Variants in BICDL1 observed in about 807,000 individuals in gnomAD.
BICDL1 encodes the protein BICD family-like cargo adapter 1.
Under a neutral mutation model 76.8 loss-of-function variants are expected in BICDL1, and 20 were observed. The ratio of observed to expected loss-of-function variants is 0.26; its 90% CI spans 0.18 to 0.38. BICDL1 has a LOEUF of 0.38. Ranked by LOEUF, BICDL1 falls within the 10% of genes least tolerant of loss-of-function variation. BICDL1 has a pLI of 1.00. For missense variants in BICDL1, 700 were observed against 798.6 expected (o/e 0.88, Z 1.49); for synonymous variants, 383 against 337.1 (o/e 1.14, Z -1.49).
chr12:120,091,130 C>G, intron 9 of BICDL1: 1 of 1,240,046 alleles, frequency 8.1e-7, no homozygotes, highest in South Asian at 1.4e-5. Flanking sequence ...CTGGCGTCAT[C>G]TCTGTGCAGT....
At chr12:119,992,830 G>A (rs1231383136) in intron 1 of BICDL1, 1 of 152,116 alleles carries the variant, frequency 6.6e-6, no homozygotes, top group Non-Finnish European at 1.5e-5. Context: ...TTTTCTTACA[G>A]GGTGGTTTGA....
chr12:120,082,585 T>C (rs1156583104), intron 8 of BICDL1, among the ~76,000 whole-genome samples: 1 of 151,236 alleles, frequency 6.6e-6, no homozygotes, highest in Non-Finnish European at 1.5e-5. Context: ...TTTTGTGTTT[T>C]TTTGTTTGTT....
intron 2 of BICDL1, among the ~76,000 whole-genome samples, chr12:120,005,306 T>G (rs546276128): frequency 2.6e-5 from 4 of 152,322 alleles, no homozygotes; most frequent in African/African-American, 9.6e-5. Context: ...TTTTTTGTAT[T>G]TCTTCATATG....
intron 2 of BICDL1, among the ~76,000 whole-genome samples, chr12:120,056,449 A>G (rs747653389): frequency 6.6e-6 from 1 of 152,180 alleles, no homozygotes; most frequent in Non-Finnish European, 1.5e-5. Flanking sequence ...GGCCGGGCGC[A>G]GTGGCTCACG....
chr12:119,989,463 G>GCAGCAGCAA lies in BICDL1; in HGVS notation c.-398_-397insACAGCAGCA, dbSNP rs1289779015. Among the ~76,000 whole-genome samples, 1 of 5,264 alleles carries GCAGCAGCAA rather than the reference G, an allele frequency of 1.9e-4. No homozygotes were observed. Among genetic ancestry groups the GCAGCAGCAA allele is most frequent in the East Asian group, 0.25 (1 of 4 alleles). 3.5% of individuals were successfully genotyped at this position (5,264 alleles called of 152,430 possible). ...GTGAGGCGCTGCCCGGCCGGCGGCG[G>GCAGCAGCAA]CAGCAGCAGCAGCAGCGGCAGCGGC... On this transcript the variant is annotated 5_prime_UTR_variant, in exon 1 of 10. Transcript: ENST00000548673.
chr12:120,039,870 T>A (rs1952603322), intron 2 of BICDL1, among the ~76,000 whole-genome samples: 1 of 152,162 alleles, frequency 6.6e-6, no homozygotes. Flanking sequence ...AAAATAATTC[T>A]GTAACCAGTG....
chr12:120,012,775 A>G (rs1447123378), intron 2 of BICDL1, among the ~76,000 whole-genome samples: 1 of 152,078 alleles, frequency 6.6e-6, no homozygotes, highest in Non-Finnish European at 1.5e-5. Context: ...TTTTTAAAGG[A>G]AAGGGAAGGG....
chr12:120,063,299 A>G (rs1223360238), intron 3 of BICDL1, among the ~76,000 whole-genome samples: 2 of 152,276 alleles, frequency 1.3e-5, no homozygotes, highest in East Asian at 3.9e-4. Context: ...CCCATTCACA[A>G]AAGGGGCTTG....
intron 9 of BICDL1, chr12:120,091,875 C>T (rs889532529): frequency 4.1e-6 from 4 of 985,370 alleles, no homozygotes; most frequent in Non-Finnish European, 4.8e-6. Flanking sequence ...AGTGGCTGCT[C>T]GGAACCAAAG....
At chr12:120,056,471 A>G (rs1952974166) in intron 2 of BICDL1, among the ~76,000 whole-genome samples, 1 of 152,186 alleles carries the variant, frequency 6.6e-6, no homozygotes, top group Non-Finnish European at 1.5e-5. Flanking sequence ...CTGTAATCCT[A>G]GCACTTTGGG....
At chr12:120,033,035 A>G (rs935699014) in intron 2 of BICDL1, among the ~76,000 whole-genome samples, 1 of 151,928 alleles carries the variant, frequency 6.6e-6, no homozygotes, top group African/African-American at 2.4e-5. Flanking sequence ...GTGAGCCACC[A>G]TGCCTGGCCT....
chr12:120,078,617 A>C (rs987678976), intron 7 of BICDL1, among the ~76,000 whole-genome samples: 3 of 152,186 alleles, frequency 2.0e-5, no homozygotes, highest in African/African-American at 7.2e-5. Context: ...TAGTGGTGAG[A>C]AATAGTTATT....
chr12:119,999,735 C>G, intron 2 of BICDL1: 1 of 428,184 alleles, frequency 2.3e-6, no homozygotes, highest in South Asian at 1.7e-5. Flanking sequence ...TATTAATGCC[C>G]TGGTCTATAA....
chr12:120,048,659 T>G lies in BICDL1; in HGVS notation c.646-13051T>G, dbSNP rs114252142. On this transcript the variant is annotated intron_variant, in intron 2 of 9. Transcript: ENST00000548673. ...TCCTCTGGGCCTCAGTTTCCTCATC[T>G]GTGTAATGAAGGAGTTCACTTAACT... Among the ~76,000 whole-genome samples the G allele has an allele frequency of 8.1e-3, 1,229 of 152,312 alleles. 17 individuals carry two copies. Among genetic ancestry groups the G allele is most frequent in the African/African-American group, 0.027 (1,123 of 41,574 alleles).
At chr12:120,066,226 C>CTGTA (rs1467920880) in intron 4 of BICDL1, among the ~76,000 whole-genome samples, 1 of 152,164 alleles carries the variant, frequency 6.6e-6, no homozygotes, top group Non-Finnish European at 1.5e-5. Context: ...CCTGCTTTAC[C>CTGTA]TGTAGCTCAG....
chr12:120,065,188 A>G (rs1337903258), intron 4 of BICDL1, among the ~76,000 whole-genome samples: 2 of 152,162 alleles, frequency 1.3e-5, no homozygotes, highest in African/African-American at 4.8e-5. Context: ...CTGGCCTCCT[A>G]GCATTTGCGA....
chr12:120,032,860 C>G (rs1454485513), intron 2 of BICDL1, among the ~76,000 whole-genome samples: 1 of 151,074 alleles, frequency 6.6e-6, no homozygotes, highest in African/African-American at 2.4e-5. Context: ...GATTCTCCTG[C>G]CTCAGCCTCC....
At chr12:120,035,825 G>A (rs1306670338) in intron 2 of BICDL1, among the ~76,000 whole-genome samples, 1 of 152,184 alleles carries the variant, frequency 6.6e-6, no homozygotes, top group East Asian at 1.9e-4. Flanking sequence ...TCCCCCAAGA[G>A]GAACCACTAA....
At chr12:120,005,175 G>T (rs1451140933) in intron 2 of BICDL1, among the ~76,000 whole-genome samples, 2 of 152,094 alleles carry the variant, frequency 1.3e-5, no homozygotes, top group African/African-American at 4.8e-5. Context: ...ATGGCAAAAA[G>T]AATTCATGTT....
Sources: gnomAD v4.1 joint callset for allele counts (sites outside exome capture counted in the v4.1 genomes callset) on GRCh38, gnomAD v4.1.1 for gene constraint, MANE v1.5 for transcripts, NCBI Gene and HGNC (gene_info 2026-07-23, HGNC 2026-07-21) for gene names.